The following PRUNE2 variants were observed in gnomAD, a reference collection of about 807,000 sequenced individuals.
PRUNE2 encodes protein prune homolog 2.
In PRUNE2, 164 loss-of-function variants were observed where a neutral mutation model predicts 252.0. The observed-to-expected ratio is 0.65, with a 90% CI of 0.57 to 0.74. PRUNE2 has a LOEUF of 0.74. Among genes scored for constraint, PRUNE2 ranks in the 30% least tolerant of loss-of-function variants. The pLI, the probability that PRUNE2 is intolerant of heterozygous loss-of-function variation, is 0.00. For missense variants in PRUNE2, 3,495 were observed against 3,711.0 expected, an observed-to-expected ratio of 0.94 and a Z score of 1.51; for synonymous variants, 1,292 against 1,350.2, an observed-to-expected ratio of 0.96 and a Z score of 0.94.
intron 4 of PRUNE2, among the ~76,000 whole-genome samples, chr9:76,837,827 A>G (rs935689039): frequency 1.2e-4 from 18 of 148,058 alleles, no homozygotes; most frequent in South Asian, 6.4e-4. Flanking sequence ...GCTGGAGTGC[A>G]GTGGCGCAAT....
At chr9:76,854,252 G>A (rs773657533) in intron 1 of PRUNE2, 44 bp from the exon 2 acceptor site, 1 of 1,027,462 alleles carries the variant, frequency 9.7e-7, no homozygotes, top group Non-Finnish European at 1.5e-6. Context: ...ACAGGTGACA[G>A]ATTAATATAA....
At position 76,791,628 on chromosome 9, in the gene PRUNE2, T is replaced by G. The variant is rs888814817; in HGVS notation, c.756+32004A>C. On this transcript the variant is annotated intron_variant, in intron 6 of 18. Coordinates refer to ENST00000376718, the MANE Select transcript of PRUNE2 (RefSeq NM_015225.3). The stretch of plus-strand genomic sequence containing the variant: ...ATTGGTACAATAATACTGCACCAAT[T>G]ATTATTGGTACAATAATACTGTACC... Among the ~76,000 whole-genome samples, 50 of 135,222 alleles carry G rather than the reference T, an allele frequency of 3.7e-4. 5 individuals are homozygous for G. Among genetic ancestry groups the G allele is most frequent in the African/African-American group, 1.0e-3 (41 of 39,296 alleles). 88.7% of individuals were successfully genotyped at this position (135,222 alleles called of 152,430 possible).
chr9:76,687,937 G>C (rs147842345), intron 9 of PRUNE2, among the ~76,000 whole-genome samples: 44 of 152,304 alleles, frequency 2.9e-4, no homozygotes, highest in African/African-American at 9.6e-4. Flanking sequence ...GGTGGTATCT[G>C]GCCCGTTAGT....
At chr9:76,686,825 T>A (rs991782981) in intron 9 of PRUNE2, among the ~76,000 whole-genome samples, 2 of 152,180 alleles carry the variant, frequency 1.3e-5, no homozygotes, top group Non-Finnish European at 2.9e-5. Context: ...CTCAAACTCT[T>A]GGCCTCAGGA....
At chr9:76,830,334 A>G (rs2058596488) in intron 4 of PRUNE2, among the ~76,000 whole-genome samples, 1 of 152,156 alleles carries the variant, frequency 6.6e-6, no homozygotes, top group African/African-American at 2.4e-5. Context: ...AAATTAATGA[A>G]AGAAAGACAT....
At chr9:76,713,842 G>A in intron 6 of PRUNE2, 121 bp from the exon 7 acceptor site, 4 of 613,628 alleles carry the variant, frequency 6.5e-6, no homozygotes, top group Non-Finnish European at 1.1e-5. Context: ...TAAGGCAAGT[G>A]AAATACAGTT....
chr9:76,784,909 G>A (rs954261718), intron 6 of PRUNE2: 2 of 152,092 alleles, frequency 1.3e-5, no homozygotes, highest in Non-Finnish European at 2.9e-5. Context: ...AATATCACAG[G>A]ATTAACTTTT....
At chr9:76,682,211 A>G (rs1181484391) in intron 9 of PRUNE2, among the ~76,000 whole-genome samples, 11 of 151,966 alleles carry the variant, frequency 7.2e-5, no homozygotes, top group Admixed American at 7.2e-4. Context: ...ATTAATAAAA[A>G]AACTTTTAAA....
At chr9:76,628,975 G>C (rs1836202995) in intron 16 of PRUNE2, among the ~76,000 whole-genome samples, 1 of 151,892 alleles carries the variant, frequency 6.6e-6, no homozygotes, top group Admixed American at 6.6e-5. Flanking sequence ...CCCCTGAATA[G>C]CTGGACTACA....
intron 2 of PRUNE2, among the ~76,000 whole-genome samples, chr9:76,852,539 G>C (rs1436442518): frequency 1.3e-5 from 2 of 152,172 alleles, no homozygotes; most frequent in Non-Finnish European, 2.9e-5. Context: ...ATTTAAATGG[G>C]GTCACACGCA....
chr9:76,619,845 TCTC>T, intron 17 of PRUNE2, among the ~76,000 whole-genome samples: 1 of 152,266 alleles, frequency 6.6e-6, no homozygotes. Flanking sequence ...CAGCGTCAGC[TCTC>T]CTCATTGTTG....
At chr9:76,646,274 A>ATAGTT (rs1844815444) in intron 11 of PRUNE2, among the ~76,000 whole-genome samples, 2 of 152,192 alleles carry the variant, frequency 1.3e-5, no homozygotes. Flanking sequence ...AAAAACTTGG[A>ATAGTT]TAGTTTCCTG....
chr9:76,706,521 T>A lies in PRUNE2; in HGVS notation c.5753A>T (p.Asp1918Val), dbSNP rs763500660. The stretch of plus-strand genomic sequence containing the variant: ...TACAAGCTGGCTGAACTTGTCAGCA[T>A]CTGGGTCTGGCTGCCTTGGTTGAAT... Reference protein sequence around the residue: ...WNIQPRQPDPDADKFSQLVKL... With the variant: ...WNIQPRQPDPVADKFSQLVKL... The change falls in exon 8 of 19, where the codon GAT becomes GTT. Residue 1918 changes from aspartate (D) to valine (V), a missense_variant. Coordinates refer to ENST00000376718, the MANE Select transcript of PRUNE2 (RefSeq NM_015225.3). 2 of 1,614,012 alleles carry A rather than the reference T, an allele frequency of 1.2e-6. No individual in the cohort carries two copies. Among genetic ancestry groups the A allele is most frequent in the East Asian group, 4.5e-5 (2 of 44,872 alleles).
chr9:76,829,067 T>C (rs1360116793), intron 4 of PRUNE2, among the ~76,000 whole-genome samples: 2 of 149,162 alleles, frequency 1.3e-5, no homozygotes, highest in Non-Finnish European at 1.5e-5. Context: ...ATGGTAAATA[T>C]GAATTTCAGA....
intron 1 of PRUNE2, among the ~76,000 whole-genome samples, chr9:76,870,312 T>C (rs1292313249): frequency 2.6e-5 from 4 of 151,616 alleles, no homozygotes; most frequent in African/African-American, 9.7e-5. Flanking sequence ...AACTTTTTAA[T>C]ACACTCATAA....
chr9:76,684,382 G>C (rs1421142765), intron 9 of PRUNE2, among the ~76,000 whole-genome samples: 1 of 152,124 alleles, frequency 6.6e-6, no homozygotes, highest in African/African-American at 2.4e-5. Flanking sequence ...AAGTCAAAGG[G>C]AGCAGGGAGA....
intron 6 of PRUNE2, among the ~76,000 whole-genome samples, chr9:76,756,804 G>A (rs1040719620): frequency 6.6e-6 from 1 of 152,116 alleles, no homozygotes; most frequent in Non-Finnish European, 1.5e-5. Flanking sequence ...GGGACAGGGG[G>A]GTGCCTTGAT....
intron 4 of PRUNE2, among the ~76,000 whole-genome samples, chr9:76,836,665 T>C (rs1276271976): frequency 6.6e-6 from 1 of 152,180 alleles, no homozygotes; most frequent in African/African-American, 2.4e-5. Context: ...TATATCCTAC[T>C]AAAAGGCAAC....
At chr9:76,679,620 C>T (rs1248401361) in intron 9 of PRUNE2, among the ~76,000 whole-genome samples, 1 of 152,056 alleles carries the variant, frequency 6.6e-6, no homozygotes, top group Non-Finnish European at 1.5e-5. Flanking sequence ...TGTATCATGT[C>T]ACTGCACCCC....
Sources: allele counts gnomAD v4.1 joint callset (sites outside exome capture counted in the v4.1 genomes callset), GRCh38; gene constraint gnomAD v4.1.1; transcripts MANE v1.5; gene names NCBI Gene and HGNC (gene_info 2026-07-23, HGNC 2026-07-21).